PDSS1: variants seen among roughly 807,000 people sequenced by gnomAD.
PDSS1 encodes the protein all trans-polyprenyl-diphosphate synthase PDSS1.
A neutral mutation model predicts 57.5 loss-of-function variants in PDSS1; 43 were observed. The ratio of observed to expected loss-of-function variants is 0.75; its 90% CI spans 0.59 to 0.96. PDSS1 has a LOEUF of 0.96. PDSS1 is among the 50% of genes least tolerant of loss of function. The pLI, the probability that PDSS1 is intolerant of heterozygous loss-of-function variation, is 0.00. For missense variants in PDSS1, 438 were observed against 527.8 expected (o/e 0.83, Z 1.67); for synonymous variants, 175 against 191.3 (o/e 0.91, Z 0.70).
At chr10:26,746,248 A>G (rs1353085771) in intron 11 of PDSS1, 85 bp from the exon 12 acceptor site, 5 of 1,311,210 alleles carry the variant, frequency 3.8e-6, no homozygotes, top group Non-Finnish European at 4.4e-6. Context: ...TCTCAAAACT[A>G]TGTGTTCATT....
chr10:26,699,667 G>A (rs1320901077), intron 1 of PDSS1, among the ~76,000 whole-genome samples: 2 of 152,136 alleles, frequency 1.3e-5, no homozygotes, highest in Admixed American at 6.5e-5. Flanking sequence ...AAAGTGCGGG[G>A]ATTACAGGTG....
rs762662757 is a variant in PDSS1, at chr10:26,735,302, T to G, written c.894T>G (p.Asn298Lys). Reference sequence around the variant, plus strand: ...AGATCGCCTATCAGTACGGAAAAAATGTAGGAATAGCTTTTCAGGTTAGTA... The same window carrying G: ...AGATCGCCTATCAGTACGGAAAAAAGGTAGGAATAGCTTTTCAGGTTAGTA... ...VHEIAYQYGK[N>K]VGIAFQLIDD... Residue 298 changes from asparagine to lysine, a missense_variant, in exon 9 of 12, where the codon AAT becomes AAG. Asn to Lys is a moderately conservative substitution (Grantham distance 94). This residue lies in a region of PDSS1 where 284 missense variants were observed against 390.7 expected (regional missense o/e 0.73). Coordinates refer to ENST00000376215, the MANE Select transcript of PDSS1 (RefSeq NM_014317.5). 56 of 1,611,758 alleles carry G rather than the reference T, an allele frequency of 3.5e-5. No individual in the cohort carries two copies. Among genetic ancestry groups the G allele is most frequent in the Non-Finnish European group, 4.8e-5 (56 of 1,177,914 alleles).
intron 2 of PDSS1, among the ~76,000 whole-genome samples, 157 bp from the exon 3 acceptor site, chr10:26,704,519 CA>C (rs1331730761): frequency 3.3e-5 from 5 of 152,086 alleles, no homozygotes; most frequent in African/African-American, 1.2e-4. Flanking sequence ...TTTGTAATAA[CA>C]AAAGGAAACT....
chr10:26,716,913 G>GT (rs1179939734), intron 5 of PDSS1, among the ~76,000 whole-genome samples: 1 of 152,116 alleles, frequency 6.6e-6, no homozygotes, highest in African/African-American at 2.4e-5. Context: ...ATGGTGCCCA[G>GT]TTTTTTGAAG....
intron 10 of PDSS1, among the ~76,000 whole-genome samples, chr10:26,739,740 G>A (rs1179031904): frequency 2.6e-5 from 4 of 152,168 alleles, no homozygotes; most frequent in East Asian, 3.9e-4. Flanking sequence ...AGTGGCTCAC[G>A]TCCATAATCC....
At chr10:26,705,424 G>T in intron 4 of PDSS1, 30 bp downstream of exon 4, 1 of 1,013,136 alleles carries the variant, frequency 9.9e-7, no homozygotes, top group Non-Finnish European at 1.5e-6. Flanking sequence ...GTGATGTAAT[G>T]TTTTAGCTTA....
chr10:26,728,236 A>AAGGC (rs1836031475), intron 8 of PDSS1, among the ~76,000 whole-genome samples: 1 of 152,212 alleles, frequency 6.6e-6, no homozygotes, highest in Non-Finnish European at 1.5e-5. Context: ...GGGCACCTGT[A>AAGGC]ATCTCAGCAC....
intron 4 of PDSS1, among the ~76,000 whole-genome samples, chr10:26,707,009 AGT>A (rs35105289): frequency 0.52 from 79,088 of 151,686 alleles, 21,674 homozygotes; most frequent in Middle Eastern, 0.64. Flanking sequence ...CCTGAGAGAA[AGT>A]GTGTGGTTTG....
rs1203931422 is a variant in PDSS1 at position 26,704,083 on chromosome 10, CA to C, written c.163-575del. Among the ~76,000 whole-genome samples, 187 of 31,084 alleles carry C rather than the reference CA, an allele frequency of 6.0e-3. 20 individuals carry two copies. In the East Asian group the frequency reaches 0.11, roughly 19 times the overall value. The allele number at this position is 31,084 out of a possible 152,430, so 20.4% of individuals were successfully genotyped here. ...GACGACAGAACGAGACTCCGTCTCA[CA>C]AAAAAAAAAAAAAAAAAATATGGCT... On this transcript the variant is annotated intron_variant, in intron 2 of 11. Transcript: ENST00000376215.
At chr10:26,732,512 G>A (rs184120275) in intron 8 of PDSS1, among the ~76,000 whole-genome samples, 4 of 150,400 alleles carry the variant, frequency 2.7e-5, no homozygotes, top group Admixed American at 2.6e-4. Context: ...CATAGAAGCA[G>A]CACTCCTGTG....
At position 26,723,792 on chromosome 10, in the gene PDSS1, C is replaced by G; in HGVS notation, c.610-14C>G. 6.4e-7 allele frequency: 1 copy of G among 1,560,512 alleles called. No individual in the cohort carries two copies. On this transcript the variant is annotated splice_polypyrimidine_tract_variant and intron_variant, in intron 6 of 11. Transcript: ENST00000376215. ...TTTTTCAGAACGTTCTGTTTTCCCC[C>G]TGTCTTTTTCTAGGCTGTTCTTGCT...
At chr10:26,729,728 C>T (rs1836097999) in intron 8 of PDSS1, among the ~76,000 whole-genome samples, 1 of 152,098 alleles carries the variant, frequency 6.6e-6, no homozygotes, top group Admixed American at 6.6e-5. Flanking sequence ...CTCTACGTAT[C>T]AGTGTGGTTG....
chr10:26,728,774 C>CTTTTTT (rs33930147), intron 8 of PDSS1, among the ~76,000 whole-genome samples: 22 of 84,570 alleles, frequency 2.6e-4, no homozygotes, highest in Admixed American at 3.5e-4. Context: ...TATTCTGTAT[C>CTTTTTT]TTTTTTTTTT....
At chr10:26,709,138 C>A (rs1276107364) in intron 4 of PDSS1, among the ~76,000 whole-genome samples, 3 of 152,332 alleles carry the variant, frequency 2.0e-5, no homozygotes. Flanking sequence ...TGGGGCTGAT[C>A]CACGCATTGT....
rs114646253 is a variant in PDSS1, at chr10:26,727,239, A to G, written c.831+3116A>G. The stretch of plus-strand genomic sequence containing the variant: ...GTGGAAATGAGACCTGAGAGGTCAG[A>G]GGGCCTGTCCAGTTGTTGTTAAGCC... On this transcript the variant is annotated intron_variant, in intron 8 of 11. Coordinates refer to ENST00000376215, the MANE Select transcript of PDSS1 (RefSeq NM_014317.5). 2.5e-3 allele frequency among the ~76,000 whole-genome samples: 388 copies of G among 152,210 alleles called. 1 individual carries two copies. Among genetic ancestry groups the G allele is most frequent in the African/African-American group, 8.8e-3 (364 of 41,528 alleles).
At chr10:26,728,774 C>CTTT (rs33930147) in intron 8 of PDSS1, among the ~76,000 whole-genome samples, 3,971 of 84,352 alleles carry the variant, frequency 0.047, 452 homozygotes, top group African/African-American at 0.14. Context: ...TATTCTGTAT[C>CTTT]TTTTTTTTTT....
intron 5 of PDSS1, among the ~76,000 whole-genome samples, chr10:26,716,569 G>A (rs1835589304): frequency 1.3e-5 from 2 of 152,050 alleles, no homozygotes; most frequent in Admixed American, 1.3e-4. Context: ...GCACACGCCT[G>A]TAGTCTCAGC....
At chr10:26,734,163 A>G (rs936822831) in intron 8 of PDSS1, among the ~76,000 whole-genome samples, 8 of 152,200 alleles carry the variant, frequency 5.3e-5, no homozygotes, top group African/African-American at 1.7e-4. Flanking sequence ...GAGGGCACAA[A>G]TGCAGCCCCA....
At chr10:26,742,817 A>G (rs542261055) in intron 11 of PDSS1, among the ~76,000 whole-genome samples, 3 of 152,342 alleles carry the variant, frequency 2.0e-5, no homozygotes, top group Admixed American at 1.3e-4. Flanking sequence ...ACAGACATTA[A>G]TATCTTTTAA....
Sources: gnomAD v4.1 joint callset for allele counts (sites outside exome capture counted in the v4.1 genomes callset) on GRCh38, gnomAD v4.1.1 for gene constraint, gnomAD v4.1.1 regional missense constraint, MANE v1.5 for transcripts, NCBI Gene and HGNC (gene_info 2026-07-23, HGNC 2026-07-21) for gene names.